The following SLC7A2 variants were observed in gnomAD, a reference collection of about 807,000 sequenced individuals.
SLC7A2 encodes the protein cationic amino acid transporter 2.
A neutral mutation model predicts 58.9 loss-of-function variants in SLC7A2; 48 were observed. The observed-to-expected ratio is 0.82, with a 90% CI of 0.65 to 1.04. SLC7A2 has a LOEUF of 1.04. SLC7A2 is among the 50% of genes least tolerant of loss of function. The probability of loss-of-function intolerance (pLI) is 0.00; values close to 1 mark genes in which losing one functional copy is unlikely to be tolerated. For synonymous variants in SLC7A2, 363 were observed against 314.5 expected (o/e 1.15, Z -1.63); for missense variants, 1,029 against 818.8 (o/e 1.26, Z -3.13).
At chr8:17,513,368 C>A (rs549600041) in intron 2 of SLC7A2, among the ~76,000 whole-genome samples, 105 of 152,078 alleles carry the variant, frequency 6.9e-4, no homozygotes, top group African/African-American at 2.2e-3. Flanking sequence ...ATACTGAAGT[C>A]TGAAGGGTTT....
At chr8:17,534,645 C>G (rs938602631) in intron 2 of SLC7A2, among the ~76,000 whole-genome samples, 2 of 146,264 alleles carry the variant, frequency 1.4e-5, no homozygotes, top group African/African-American at 5.1e-5. Flanking sequence ...TTTAACATCT[C>G]TATGTGTTTG....
At chr8:17,533,179 T>C (rs1189175433) in intron 2 of SLC7A2, among the ~76,000 whole-genome samples, 1 of 152,176 alleles carries the variant, frequency 6.6e-6, no homozygotes, top group African/African-American at 2.4e-5. Flanking sequence ...CAGTATGAAC[T>C]TGCAAACTTC....
Position 17,548,824 on chromosome 8 carries a change from A to C in SLC7A2, c.679A>C (p.Asn227His). The change falls in exon 5 of 13, where the codon AAT (asparagine) becomes CAT (histidine). Residue 227 changes from asparagine to histidine, a missense_variant. Asn to His is a moderately conservative substitution (Grantham distance 68). Coordinates refer to ENST00000494857, the MANE Select transcript of SLC7A2 (RefSeq NM_001370338.1). Reference protein sequence around the residue: ...NWKISEEFLKNISASAREPPS... With the variant: ...NWKISEEFLKHISASAREPPS... ...GAAGATTAGTGAAGAGTTTCTCAAA[A>C]ATATATCAGCAAGTGCCAGGTAAAA... 1 of 1,608,334 alleles carries C rather than the reference A, an allele frequency of 6.2e-7. No individual in the cohort carries two copies. The highest frequency in any genetic ancestry group is 8.5e-7 in the Non-Finnish European group (1 of 1,178,778).
At chr8:17,556,415 A>G (rs1205454429) in intron 8 of SLC7A2, among the ~76,000 whole-genome samples, 1 of 152,160 alleles carries the variant, frequency 6.6e-6, no homozygotes, top group Non-Finnish European at 1.5e-5. Context: ...AGATAATTAT[A>G]ATAGACCACT....
At chr8:17,495,670 C>T (rs1020831419), upstream of SLC7A2, among the ~76,000 whole-genome samples, 2 of 152,210 alleles carry the variant, frequency 1.3e-5, no homozygotes, top group Non-Finnish European at 2.9e-5. Context: ...CTGCCTCAAC[C>T]TCCCGAGTAG....
intron 3 of SLC7A2, among the ~76,000 whole-genome samples, chr8:17,544,198 C>G (rs967804357): frequency 1.3e-4 from 20 of 152,216 alleles, no homozygotes; most frequent in Non-Finnish European, 2.8e-4. Flanking sequence ...TGCTTCATCT[C>G]TGACTATGCC....
chr8:17,499,675 A>T (rs1198079495), intron 1 of SLC7A2, among the ~76,000 whole-genome samples: 1 of 151,878 alleles, frequency 6.6e-6, no homozygotes, highest in Non-Finnish European at 1.5e-5. Context: ...TGGGTGCATC[A>T]TTTGAATGCT....
chr8:17,530,614 C>A (rs143076381), intron 2 of SLC7A2, among the ~76,000 whole-genome samples: 37 of 151,584 alleles, frequency 2.4e-4, no homozygotes, highest in African/African-American at 8.7e-4. Context: ...TCTCTGACAC[C>A]CAGCCTAGCA....
intron 2 of SLC7A2, among the ~76,000 whole-genome samples, chr8:17,522,634 A>C (rs563590602): frequency 6.6e-6 from 1 of 152,262 alleles, no homozygotes. Flanking sequence ...AGAGCACCTG[A>C]AATAAAGACT....
rs117257891 is a variant in SLC7A2 at position 17,547,333 on chromosome 8, G to T, written c.533-1345G>T. ...TCTCATGAGGTGTATTCAGTATCATGAGAACAGCACAGAAAACCTGCCCCC... is the reference window on the plus strand; with the variant it reads ...TCTCATGAGGTGTATTCAGTATCATTAGAACAGCACAGAAAACCTGCCCCC... On this transcript the variant is annotated intron_variant, in intron 4 of 12. Transcript: ENST00000494857. 4.0e-4 allele frequency among the ~76,000 whole-genome samples: 61 copies of T among 152,208 alleles called. 1 individual carries two copies. The East Asian group carries it at 0.011, about 28-fold the overall frequency.
At chr8:17,547,290 C>T (rs1802218364) in intron 4 of SLC7A2, among the ~76,000 whole-genome samples, 1 of 152,022 alleles carries the variant, frequency 6.6e-6, no homozygotes, top group Admixed American at 6.6e-5. Context: ...GGGAACTGCC[C>T]TTTATAAAAC....
At position 17,524,342 on chromosome 8, in the gene SLC7A2, G is replaced by A. The variant is rs564433575; in HGVS notation, c.-22-18976G>A. On this transcript the variant is annotated intron_variant, in intron 2 of 12. Transcript: ENST00000494857. ...TAGCACAATTTGCAATTGCAAAAAT[G>A]TGGAATCAGCTCAAAAATCCCATCA... Among the ~76,000 whole-genome samples the A allele has an allele frequency of 3.9e-5, 6 of 152,056 alleles. No homozygotes were observed. In the East Asian group the frequency reaches 1.2e-3, roughly 29 times the overall value.
At chr8:17,538,705 G>T in intron 2 of SLC7A2, 2 of 1,215,792 alleles carry the variant, frequency 1.6e-6, no homozygotes, top group East Asian at 2.6e-5. Flanking sequence ...AAATAAAAAA[G>T]ATCTAGGGCA....
At chr8:17,552,099 T>C (rs1802483149) in intron 7 of SLC7A2, 113 bp downstream of exon 7, 1 of 720,526 alleles carries the variant, frequency 1.4e-6, no homozygotes, top group African/African-American at 1.8e-5. Context: ...CAAAATATTA[T>C]GCAACTTTGT....
chr8:17,517,303 A>T (rs945121599), intron 2 of SLC7A2, among the ~76,000 whole-genome samples: 3 of 152,186 alleles, frequency 2.0e-5, no homozygotes, highest in African/African-American at 7.2e-5. Flanking sequence ...ACCACAAAAG[A>T]TGTGATTTGT....
chr8:17,538,760 A>C, intron 2 of SLC7A2: 2 of 1,600,220 alleles, frequency 1.2e-6, no homozygotes, highest in Non-Finnish European at 1.7e-6. Flanking sequence ...CGATTTAATT[A>C]CTTTTTTTTC....
intron 2 of SLC7A2, among the ~76,000 whole-genome samples, chr8:17,505,416 G>A (rs2150651177): frequency 6.6e-6 from 1 of 152,284 alleles, no homozygotes; most frequent in East Asian, 1.9e-4. Context: ...AGAGGTAGAT[G>A]TGGCAGTTGG....
intron 4 of SLC7A2, 23 bp from the exon 5 acceptor site, chr8:17,548,655 A>G: frequency 6.3e-7 from 1 of 1,575,138 alleles, no homozygotes; most frequent in Non-Finnish European, 8.6e-7. Context: ...CTAAATAAAA[A>G]TTGAAATGCC....
At chr8:17,532,618 A>G (rs1304914919) in intron 2 of SLC7A2, among the ~76,000 whole-genome samples, 2 of 152,186 alleles carry the variant, frequency 1.3e-5, no homozygotes, top group East Asian at 3.8e-4. Context: ...TAATATAAAA[A>G]TTAAAACAAA....
Sources: gnomAD v4.1 joint callset for allele counts (sites outside exome capture counted in the v4.1 genomes callset) on GRCh38, gnomAD v4.1.1 for gene constraint, MANE v1.5 for transcripts, NCBI Gene and HGNC (gene_info 2026-07-23, HGNC 2026-07-21) for gene names.